The following IL1RAPL2 variants were observed in gnomAD, a reference collection of about 807,000 sequenced individuals.
IL1RAPL2 encodes the protein interleukin 1 receptor accessory protein like 2, also known as X-linked interleukin-1 receptor accessory protein-like 2.
IL1RAPL2 carries 3 observed loss-of-function variants against 44.1 expected under a neutral mutation model. That is an observed-to-expected ratio of 0.07 (90% CI 0.03 to 0.18). The LOEUF (loss-of-function observed/expected upper bound fraction) is 0.18, where lower values mean the gene tolerates loss of function less well. IL1RAPL2 is among the 10% of genes least tolerant of loss of function. The pLI, the probability that IL1RAPL2 is intolerant of heterozygous loss-of-function variation, is 1.00. For missense variants in IL1RAPL2, 391 were observed against 496.4 expected (o/e 0.79, Z 2.02); for synonymous variants, 181 against 178.8 (o/e 1.01, Z -0.10).
chrX:105,173,430 G>A (rs1290119620), intron 2 of IL1RAPL2, among the ~76,000 whole-genome samples: 1 of 112,101 alleles, frequency 8.9e-6, no homozygotes, highest in East Asian at 2.8e-4. Context: ...AGAAGGGAAA[G>A]AAAGTAGCCA....
At chrX:105,547,166 T>G (rs1178568437) in intron 6 of IL1RAPL2, among the ~76,000 whole-genome samples, 2 of 112,566 alleles carry the variant, frequency 1.8e-5, no homozygotes, top group East Asian at 5.6e-4. Context: ...ATTTAGAGAA[T>G]GTATTTAAAA....
chrX:104,910,715 T>G (rs770087129), intron 2 of IL1RAPL2, among the ~76,000 whole-genome samples: 3 of 112,088 alleles, frequency 2.7e-5, no homozygotes, highest in Non-Finnish European at 3.8e-5. Flanking sequence ...TTTAAAAATT[T>G]TGTAGCTCTC....
At chrX:105,623,276 G>T (rs776596390) in intron 6 of IL1RAPL2, among the ~76,000 whole-genome samples, 1 of 109,630 alleles carries the variant, frequency 9.1e-6, no homozygotes, top group Admixed American at 9.8e-5. Flanking sequence ...CAGGCAGTCT[G>T]GCTCTAGAGT....
chrX:105,095,502 TA>T (rs1046373164), intron 2 of IL1RAPL2, among the ~76,000 whole-genome samples: 1 of 111,936 alleles, frequency 8.9e-6, no homozygotes, highest in Non-Finnish European at 1.9e-5. Context: ...AGAGTAGGCA[TA>T]AAGTTCAGCG....
intron 1 of IL1RAPL2, among the ~76,000 whole-genome samples, chrX:104,651,726 G>A (rs895547069): frequency 9.0e-6 from 1 of 111,231 alleles, no homozygotes; most frequent in African/African-American, 3.3e-5. Context: ...CAAAGTCACT[G>A]GCGTTATATA....
rs111438162 is a variant in IL1RAPL2 at position 104,567,638 on chromosome X, C to T, written c.-20+587C>T. ...CCCGAGACGCCCCCTTTCCTCTTCCCGCAAGAATCCCCGATACCCCTAGAG... is the reference window on the plus strand; with the variant it reads ...CCCGAGACGCCCCCTTTCCTCTTCCTGCAAGAATCCCCGATACCCCTAGAG... On this transcript the variant is annotated intron_variant, in intron 1 of 10. Transcript: ENST00000372582. Among the ~76,000 whole-genome samples the T allele has an allele frequency of 3.1e-3, 351 of 112,326 alleles. 2 individuals carry two copies. Among genetic ancestry groups the T allele is most frequent in the African/African-American group, 0.011 (332 of 30,924 alleles).
At chrX:105,100,182 A>G (rs939483541) in intron 2 of IL1RAPL2, among the ~76,000 whole-genome samples, 4 of 112,109 alleles carry the variant, frequency 3.6e-5, no homozygotes, top group African/African-American at 1.3e-4. Flanking sequence ...ATCTGTATGT[A>G]GACGAAAAAC....
At chrX:104,575,954 G>A (rs894876429) in intron 1 of IL1RAPL2, among the ~76,000 whole-genome samples, 10 of 111,275 alleles carry the variant, frequency 9.0e-5, no homozygotes, top group African/African-American at 2.6e-4. Flanking sequence ...TTTCCCTAAC[G>A]TCTATTTCCT....
At chrX:105,119,701 G>T (rs1046118994) in intron 2 of IL1RAPL2, among the ~76,000 whole-genome samples, 1 of 111,417 alleles carries the variant, frequency 9.0e-6, no homozygotes, top group Non-Finnish European at 1.9e-5. Flanking sequence ...CAGCATGTGT[G>T]TCCACTTAGG....
chrX:104,876,945 G>C (rs949015136), intron 2 of IL1RAPL2, among the ~76,000 whole-genome samples: 4 of 108,424 alleles, frequency 3.7e-5, no homozygotes, highest in African/African-American at 1.3e-4. Context: ...TGTTCTCATT[G>C]TTCAATTCCC....
chrX:104,881,505 G>A (rs1233247159), intron 2 of IL1RAPL2, among the ~76,000 whole-genome samples: 1 of 112,208 alleles, frequency 8.9e-6, no homozygotes, highest in Non-Finnish European at 1.9e-5. Context: ...AATTTCCATA[G>A]ACTAAGCTCT....
chrX:105,077,026 G>T (rs2032317167), intron 2 of IL1RAPL2, among the ~76,000 whole-genome samples: 4 of 110,958 alleles, frequency 3.6e-5, no homozygotes, highest in Non-Finnish European at 7.5e-5. Flanking sequence ...TTTAATTGGA[G>T]CATTTAGCCC....
At chrX:105,567,323 G>A (rs779969746) in intron 6 of IL1RAPL2, among the ~76,000 whole-genome samples, 14 of 111,519 alleles carry the variant, frequency 1.3e-4, no homozygotes, top group Non-Finnish European at 1.9e-4. Context: ...AAGTAGCTTA[G>A]ATTTGAGGCC....
At chrX:105,074,257 C>T (rs1191808175) in intron 2 of IL1RAPL2, among the ~76,000 whole-genome samples, 3 of 111,675 alleles carry the variant, frequency 2.7e-5, no homozygotes, top group South Asian at 3.8e-4. Context: ...GCTTTCTACT[C>T]ATGGCTAGCC....
chrX:104,666,677 C>T (rs1433946504), intron 2 of IL1RAPL2, among the ~76,000 whole-genome samples: 1 of 111,742 alleles, frequency 8.9e-6, no homozygotes, highest in Non-Finnish European at 1.9e-5. Context: ...AGGTGAGTTT[C>T]TATCATAACC....
chrX:104,949,887 T>A (rs1325926001), intron 2 of IL1RAPL2, among the ~76,000 whole-genome samples: 1 of 111,656 alleles, frequency 9.0e-6, no homozygotes, highest in Non-Finnish European at 1.9e-5. Context: ...GAAAAAAATG[T>A]ATATTCTGTT....
intron 2 of IL1RAPL2, among the ~76,000 whole-genome samples, chrX:104,942,751 A>G (rs374769928): frequency 9.9e-5 from 11 of 111,301 alleles, no homozygotes; most frequent in African/African-American, 1.6e-4. Flanking sequence ...AGTGGTGAGA[A>G]AGGGCATCCC....
intron 2 of IL1RAPL2, among the ~76,000 whole-genome samples, chrX:104,782,543 T>C (rs1372886952): frequency 8.9e-6 from 1 of 111,986 alleles, no homozygotes; most frequent in Non-Finnish European, 1.9e-5. Flanking sequence ...AGTCAAACTT[T>C]TGTTCTGTCT....
chrX:104,660,723 G>T (rs1316953384), intron 2 of IL1RAPL2, among the ~76,000 whole-genome samples: 7 of 104,999 alleles, frequency 6.7e-5, no homozygotes, highest in Non-Finnish European at 1.4e-4. Flanking sequence ...GATTGCTTGT[G>T]CTAAGGAGTT....
Sources: gnomAD v4.1 joint callset for allele counts (sites outside exome capture counted in the v4.1 genomes callset) on GRCh38, gnomAD v4.1.1 for gene constraint, MANE v1.5 for transcripts, NCBI Gene and HGNC (gene_info 2026-07-23, HGNC 2026-07-21) for gene names.